The following ULK4 variants were observed in gnomAD, a reference collection of about 807,000 sequenced individuals.
ULK4 encodes the protein unc-51 like kinase 4.
Under a neutral mutation model 160.6 loss-of-function variants are expected in ULK4, and 133 were observed. That is an observed-to-expected ratio of 0.83 (90% CI 0.72 to 0.96). ULK4 has a LOEUF of 0.96. ULK4 is among the 40% of genes least tolerant of loss of function. The probability of loss-of-function intolerance (pLI) is 0.00; values close to 1 mark genes in which losing one functional copy is unlikely to be tolerated. For missense variants in ULK4, 1,580 were observed against 1,499.5 expected (o/e 1.05, Z -0.89); for synonymous variants, 534 against 539.8 (o/e 0.99, Z 0.15).
At chr3:41,558,140 T>C (rs1004560867) in intron 32 of ULK4, among the ~76,000 whole-genome samples, 14 of 152,186 alleles carry the variant, frequency 9.2e-5, no homozygotes, top group Admixed American at 7.9e-4. Context: ...CCTGCTCCTG[T>C]GTGAAAGGAT....
intron 27 of ULK4, among the ~76,000 whole-genome samples, chr3:41,686,254 T>C (rs2036097141): frequency 6.6e-6 from 1 of 152,060 alleles, no homozygotes; most frequent in Non-Finnish European, 1.5e-5. Context: ...TACTAAGGGC[T>C]AGGAAAAAAA....
intron 32 of ULK4, among the ~76,000 whole-genome samples, chr3:41,522,332 G>A (rs894582148): frequency 1.3e-5 from 2 of 151,648 alleles, no homozygotes; most frequent in Admixed American, 1.3e-4. Flanking sequence ...TAGAGACGGG[G>A]TTTCACCATG....
intron 27 of ULK4, among the ~76,000 whole-genome samples, chr3:41,704,830 G>A (rs1410249310): frequency 6.6e-6 from 1 of 152,114 alleles, no homozygotes; most frequent in African/African-American, 2.4e-5. Context: ...AGTAGGCTGA[G>A]GGATAGGTGT....
rs1345632994 is a variant in ULK4 at position 41,771,644 on chromosome 3, G to C, written c.2194-17156C>G. On this transcript the variant is annotated intron_variant, in intron 21 of 36. Coordinates refer to ENST00000301831, the MANE Select transcript of ULK4 (RefSeq NM_017886.4). The stretch of plus-strand genomic sequence containing the variant: ...GTAAAAGCTACCCATGTGGTAGGAA[G>C]ACCATAATACCTAATACCATCACTA... Among the ~76,000 whole-genome samples, 3 of 151,938 alleles carry C rather than the reference G, an allele frequency of 2.0e-5. 1 individual carries two copies. Among genetic ancestry groups the C allele is most frequent in the Non-Finnish European group, 1.5e-5 (1 of 67,994 alleles).
intron 21 of ULK4, among the ~76,000 whole-genome samples, chr3:41,774,163 C>G (rs2039514955): frequency 6.6e-6 from 1 of 152,030 alleles, no homozygotes. Context: ...TAGGCATGGG[C>G]AAGGACTTCA....
chr3:41,489,388 T>C (rs2084665179), intron 32 of ULK4, among the ~76,000 whole-genome samples: 1 of 152,210 alleles, frequency 6.6e-6, no homozygotes, highest in South Asian at 2.1e-4. Flanking sequence ...AGTGGGATGG[T>C]AATGAGGTCC....
intron 2 of ULK4, among the ~76,000 whole-genome samples, chr3:41,949,327 C>G (rs1037560252): frequency 1.3e-5 from 2 of 151,972 alleles, no homozygotes; most frequent in Non-Finnish European, 2.9e-5. Flanking sequence ...CACACACACA[C>G]ACACACACAA....
chr3:41,639,474 T>C (rs1388532075), intron 30 of ULK4, among the ~76,000 whole-genome samples: 1 of 152,114 alleles, frequency 6.6e-6, no homozygotes, highest in Non-Finnish European at 1.5e-5. Context: ...CTGTAAGTAA[T>C]CCCAGCACTT....
intron 35 of ULK4, among the ~76,000 whole-genome samples, chr3:41,363,449 A>G (rs1159651874): frequency 2.0e-5 from 3 of 152,150 alleles, no homozygotes; most frequent in Non-Finnish European, 2.9e-5. Context: ...CTGGCCTGGG[A>G]TAGCTCCCTA....
At chr3:41,802,029 T>C (rs912645016) in intron 19 of ULK4, among the ~76,000 whole-genome samples, 2 of 151,246 alleles carry the variant, frequency 1.3e-5, no homozygotes, top group Non-Finnish European at 2.9e-5. Flanking sequence ...AAAAAGTAAC[T>C]GTCAACCTAC....
chr3:41,361,393 A>G (rs2081140999), intron 35 of ULK4, among the ~76,000 whole-genome samples: 1 of 152,224 alleles, frequency 6.6e-6, no homozygotes, highest in South Asian at 2.1e-4. Flanking sequence ...TTAACAAAAA[A>G]TATGAATTCC....
At chr3:41,899,720 T>C (rs908009436) in intron 13 of ULK4, among the ~76,000 whole-genome samples, 15 of 152,296 alleles carry the variant, frequency 9.8e-5, no homozygotes, top group Admixed American at 5.2e-4. Context: ...TGGACACCCC[T>C]GGTAAAGATA....
chr3:41,451,550 C>T (rs1177363474), intron 34 of ULK4, among the ~76,000 whole-genome samples: 2 of 151,984 alleles, frequency 1.3e-5, no homozygotes, highest in South Asian at 2.1e-4. Flanking sequence ...ACAAAGAGTG[C>T]CCCATCCAAG....
intron 31 of ULK4, among the ~76,000 whole-genome samples, chr3:41,595,175 A>T (rs2031609319): frequency 6.6e-6 from 1 of 152,224 alleles, no homozygotes; most frequent in Non-Finnish European, 1.5e-5. Context: ...AATTTAAACA[A>T]GGGGCTCTAC....
chr3:41,584,393 G>A (rs565862001), intron 31 of ULK4, among the ~76,000 whole-genome samples: 1 of 152,058 alleles, frequency 6.6e-6, no homozygotes, highest in Non-Finnish European at 1.5e-5. Context: ...CCAAGCTCAA[G>A]TGACCCCCCT....
chr3:41,481,026 CTG>C (rs1462686648), intron 32 of ULK4, among the ~76,000 whole-genome samples: 1 of 152,156 alleles, frequency 6.6e-6, no homozygotes. Flanking sequence ...CACAGCCAAA[CTG>C]TATCAGTGTA....
At chr3:41,517,189 G>A (rs2085778993) in intron 32 of ULK4, among the ~76,000 whole-genome samples, 4 of 151,190 alleles carry the variant, frequency 2.6e-5, no homozygotes, top group South Asian at 4.2e-4. Flanking sequence ...ACACCCATCA[G>A]AATGACTAAA....
In ULK4 at chr3:41,566,142, C is replaced by G; in HGVS notation, c.3121-12G>C. ...CTCTCCTGATGTTCCTGCAATAGATCATAATTTCCATCATAACCATACAGA... is the reference window on the plus strand; with the variant it reads ...CTCTCCTGATGTTCCTGCAATAGATGATAATTTCCATCATAACCATACAGA... On this transcript the variant is annotated splice_polypyrimidine_tract_variant and intron_variant, in intron 31 of 36. Coordinates refer to ENST00000301831, the MANE Select transcript of ULK4 (RefSeq NM_017886.4). 5 of 1,597,574 alleles carry G rather than the reference C, an allele frequency of 3.1e-6. No homozygotes were observed. Among genetic ancestry groups the G allele is most frequent in the Non-Finnish European group, 4.3e-6 (5 of 1,167,856 alleles).
intron 35 of ULK4, among the ~76,000 whole-genome samples, chr3:41,281,436 C>T (rs1575390850): frequency 6.6e-6 from 1 of 152,170 alleles, no homozygotes; most frequent in Non-Finnish European, 1.5e-5. Flanking sequence ...AGCAGCACAT[C>T]AGAAAGCTTT....
Sources: allele counts gnomAD v4.1 joint callset (sites outside exome capture counted in the v4.1 genomes callset), GRCh38; gene constraint gnomAD v4.1.1; transcripts MANE v1.5; gene names NCBI Gene and HGNC (gene_info 2026-07-23, HGNC 2026-07-21).